Variants in RGS6 observed in about 807,000 individuals in gnomAD.
RGS6 encodes regulator of G protein signaling 6.
In RGS6, 30 loss-of-function variants were observed where a neutral mutation model predicts 78.5. The ratio of observed to expected loss-of-function variants is 0.38; its 90% CI spans 0.29 to 0.52. The LOEUF is 0.52. Among genes scored for constraint, RGS6 ranks in the 20% least tolerant of loss-of-function variants. RGS6 has a pLI of 0.85. For synonymous variants in RGS6, 206 were observed against 206.0 expected, an observed-to-expected ratio of 1.00 and a Z score of 0.00; for missense variants, 495 against 609.7, an observed-to-expected ratio of 0.81 and a Z score of 1.98.
chr14:71,939,264 C>G (rs2090097848), intron 1 of RGS6, among the ~76,000 whole-genome samples: 1 of 152,152 alleles, frequency 6.6e-6, no homozygotes, highest in African/African-American at 2.4e-5. Flanking sequence ...TCAACAGGCC[C>G]CACACCACTG....
chr14:71,878,932 T>C, the RGS6 span, among the ~76,000 whole-genome samples: 1 of 152,182 alleles, frequency 6.6e-6, no homozygotes, highest in African/African-American at 2.4e-5. Context: ...CCCACCAAAC[T>C]TTTGCTTTTG....
chr14:72,190,719 T>A (rs1467176433), intron 2 of RGS6, among the ~76,000 whole-genome samples: 1 of 152,178 alleles, frequency 6.6e-6, no homozygotes, highest in Non-Finnish European at 1.5e-5. Context: ...GGCTGAGAAT[T>A]TGGGATATAC....
chr14:72,047,079 G>T (rs1489000612), intron 2 of RGS6, among the ~76,000 whole-genome samples: 1 of 152,106 alleles, frequency 6.6e-6, no homozygotes, highest in Non-Finnish European at 1.5e-5. Context: ...ATAAAATTCC[G>T]CTTTGGGCAG....
chr14:72,271,170 C>G (rs896640153), intron 2 of RGS6, among the ~76,000 whole-genome samples: 1 of 152,112 alleles, frequency 6.6e-6, no homozygotes, highest in South Asian at 2.1e-4. Context: ...TGTTCTCATG[C>G]TGCCAATAAA....
chr14:71,966,413 AAAT>A (rs2093516856), intron 2 of RGS6, among the ~76,000 whole-genome samples: 1 of 152,226 alleles, frequency 6.6e-6, no homozygotes, highest in Non-Finnish European at 1.5e-5. Context: ...ATAAAGAAAA[AAAT>A]AGGTTAATGG....
intron 2 of RGS6, among the ~76,000 whole-genome samples, chr14:72,278,716 G>C (rs553551744): frequency 6.6e-6 from 1 of 152,274 alleles, no homozygotes; most frequent in East Asian, 1.9e-4. Flanking sequence ...CCATTGTCTG[G>C]TACAGATGCT....
At chr14:72,627,647 C>T in the RGS6 span, among the ~76,000 whole-genome samples, 1 of 151,980 alleles carries the variant, frequency 6.6e-6, no homozygotes, top group South Asian at 2.1e-4. Context: ...TTTGTTTCTT[C>T]ATATGAACTT....
At chr14:71,987,473 G>C (rs1566966657) in intron 2 of RGS6, among the ~76,000 whole-genome samples, 5 of 152,170 alleles carry the variant, frequency 3.3e-5, no homozygotes. Context: ...CTCATTTACT[G>C]TAGTCCCATC....
the RGS6 span, among the ~76,000 whole-genome samples, chr14:72,602,553 G>A: frequency 1.3e-5 from 2 of 152,096 alleles, no homozygotes; most frequent in Admixed American, 6.5e-5. Context: ...ACCCTCCACC[G>A]GCCGACTCAC....
downstream of RGS6, among the ~76,000 whole-genome samples, chr14:72,571,521 C>T (rs568722256): frequency 3.3e-5 from 5 of 152,260 alleles, no homozygotes; most frequent in East Asian, 1.9e-4. Flanking sequence ...TAAACCCATG[C>T]GTTTATAGCC....
intron 3 of RGS6, among the ~76,000 whole-genome samples, chr14:72,438,736 G>A (rs1654037249): frequency 6.6e-6 from 1 of 152,184 alleles, no homozygotes; most frequent in Non-Finnish European, 1.5e-5. Context: ...TGGTCTCCTT[G>A]CTTCTACTCC....
intron 2 of RGS6, among the ~76,000 whole-genome samples, chr14:72,253,537 G>T (rs907519981): frequency 6.6e-6 from 1 of 152,206 alleles, no homozygotes; most frequent in African/African-American, 2.4e-5. Context: ...AAACAAATAG[G>T]TATGGCTATG....
At chr14:72,063,558 T>C (rs2093994309) in intron 2 of RGS6, among the ~76,000 whole-genome samples, 1 of 152,094 alleles carries the variant, frequency 6.6e-6, no homozygotes, top group African/African-American at 2.4e-5. Flanking sequence ...TAAGGGAGGA[T>C]AGCTATTTAG....
intron 2 of RGS6, among the ~76,000 whole-genome samples, chr14:72,058,262 C>T (rs181427526): frequency 6.6e-6 from 1 of 152,208 alleles, no homozygotes; most frequent in African/African-American, 2.4e-5. Context: ...AATATAATAG[C>T]TGCCAATTGA....
chr14:72,240,027 TAC>T (rs144493437), intron 2 of RGS6, among the ~76,000 whole-genome samples: 7 of 151,546 alleles, frequency 4.6e-5, no homozygotes, highest in Non-Finnish European at 5.9e-5. Flanking sequence ...AACATGAATC[TAC>T]ACACACACAC....
At chr14:72,473,181 C>G (rs920913171) in intron 9 of RGS6, among the ~76,000 whole-genome samples, 2 of 152,234 alleles carry the variant, frequency 1.3e-5, no homozygotes, top group African/African-American at 2.4e-5. Context: ...TGGCGGCTCA[C>G]GCCTGTAATC....
At chr14:72,234,728 C>G (rs1285736787) in intron 2 of RGS6, among the ~76,000 whole-genome samples, 1 of 152,048 alleles carries the variant, frequency 6.6e-6, no homozygotes, top group Non-Finnish European at 1.5e-5. Context: ...CATCATCAGC[C>G]CATTGGGCTG....
intron 2 of RGS6, among the ~76,000 whole-genome samples, chr14:72,018,528 A>T (rs899761847): frequency 6.6e-6 from 1 of 152,200 alleles, no homozygotes; most frequent in African/African-American, 2.4e-5. Flanking sequence ...GGAAGCCTAA[A>T]TTTGTACCGC....
At chr14:72,607,686 T>A in the RGS6 span, among the ~76,000 whole-genome samples, 16 of 152,326 alleles carry the variant, frequency 1.1e-4, no homozygotes, top group African/African-American at 3.6e-4. Context: ...TGGATTTTGT[T>A]ATATGAGCCT....
Sources: gnomAD v4.1 joint callset for allele counts (sites outside exome capture counted in the v4.1 genomes callset) on GRCh38, gnomAD v4.1.1 for gene constraint, MANE v1.5 for transcripts, NCBI Gene and HGNC (gene_info 2026-07-23, HGNC 2026-07-21) for gene names.